Variants in FAM199X observed in about 807,000 individuals in gnomAD.
FAM199X encodes family with sequence similarity 199, X-linked.
Under a neutral mutation model 22.9 loss-of-function variants are expected in FAM199X, and 4 were observed. That is an observed-to-expected ratio of 0.17 (90% confidence interval 0.09 to 0.40). The LOEUF (loss-of-function observed/expected upper bound fraction) is 0.40, where lower values mean the gene tolerates loss of function less well. Among genes scored for constraint, FAM199X ranks in the 10% least tolerant of loss-of-function variants. The pLI, the probability that FAM199X is intolerant of heterozygous loss-of-function variation, is 1.00. For missense variants in FAM199X, 183 were observed against 306.8 expected (o/e 0.60, Z 3.01); for synonymous variants, 101 against 112.3 (o/e 0.90, Z 0.64).
chrX:104,180,316 A>G (rs1424208482), intron 2 of FAM199X, among the ~76,000 whole-genome samples: 87 of 91,018 alleles, frequency 9.6e-4, no homozygotes, highest in Non-Finnish European at 1.8e-3. Context: ...TTTTCTCAGT[A>G]CAGACTTTGT....
At chrX:104,188,351 A>G in intron 5 of FAM199X, 45 bp downstream of exon 5, 2 of 1,162,301 alleles carry the variant, frequency 1.7e-6, no homozygotes, top group South Asian at 3.6e-5. Flanking sequence ...CAATATTAAC[A>G]TTAGTACTCC....
Position 104,180,288 on chromosome X carries a change from CT to C in FAM199X, c.417+4467del, listed in dbSNP as rs573175887. 5.9e-3 allele frequency among the ~76,000 whole-genome samples: 417 copies of C among 71,236 alleles called. 2 individuals carry two copies. The highest frequency in any genetic ancestry group is 0.04 in the Middle Eastern group (4 of 101). 61.9% of individuals were successfully genotyped at this position (71,236 alleles called of 115,157 possible). Reference sequence around the variant, plus strand: ...GAGCCACTGTGCTCAGCCAGTGTCTCTTTTTTTTTTTTTTTTTTTTTCTCAG... The same window carrying C: ...GAGCCACTGTGCTCAGCCAGTGTCTCTTTTTTTTTTTTTTTTTTTTCTCAG... On this transcript the variant is annotated intron_variant, in intron 2 of 5. Transcript: ENST00000493442.
chrX:104,174,686 T>TA (rs1241150191), intron 1 of FAM199X, among the ~76,000 whole-genome samples: 3 of 111,711 alleles, frequency 2.7e-5, no homozygotes, highest in Non-Finnish European at 5.6e-5. Flanking sequence ...TTTCAAGTAA[T>TA]ATACTTAGGA....
At chrX:104,162,385 A>G (rs185394718), upstream of FAM199X, among the ~76,000 whole-genome samples, 5 of 112,253 alleles carry the variant, frequency 4.5e-5, no homozygotes, top group East Asian at 1.4e-3. Flanking sequence ...TTTGTTCACA[A>G]GGGTTTCTAT....
chrX:104,168,761 C>G (rs782806991), intron 1 of FAM199X, among the ~76,000 whole-genome samples: 3 of 110,658 alleles, frequency 2.7e-5, no homozygotes, highest in Non-Finnish European at 3.8e-5. Context: ...TTTTCTTTCC[C>G]TTAAAGACTG....
chrX:104,180,218 C>T (rs1556377511), intron 2 of FAM199X, among the ~76,000 whole-genome samples: 1 of 106,665 alleles, frequency 9.4e-6, no homozygotes, highest in Non-Finnish European at 1.9e-5. Context: ...TGGGCTCAAG[C>T]GATCCTTCCA....
chrX:104,159,874 A>C, the FAM199X span, among the ~76,000 whole-genome samples: 2 of 112,328 alleles, frequency 1.8e-5, no homozygotes, highest in African/African-American at 6.5e-5. Context: ...TGAGAGTACA[A>C]GGGTACCTTG....
chrX:104,185,422 A>G (rs1168292745), intron 2 of FAM199X, among the ~76,000 whole-genome samples: 1 of 111,006 alleles, frequency 9.0e-6, no homozygotes, highest in Non-Finnish European at 1.9e-5. Flanking sequence ...TAAAAACTTT[A>G]ATGATGATTG....
chrX:104,179,158 G>A (rs909465304), intron 2 of FAM199X, among the ~76,000 whole-genome samples: 16 of 111,725 alleles, frequency 1.4e-4, no homozygotes, highest in African/African-American at 5.2e-4. Flanking sequence ...TTAGGATCAG[G>A]TTGCCCGTTT....
At chrX:104,171,382 T>A (rs1921349160) in intron 1 of FAM199X, among the ~76,000 whole-genome samples, 1 of 111,598 alleles carries the variant, frequency 9.0e-6, no homozygotes, top group East Asian at 2.8e-4. Flanking sequence ...GAGAGTAATA[T>A]TATGGTGATA....
At chrX:104,179,232 G>A (rs1331822697) in intron 2 of FAM199X, among the ~76,000 whole-genome samples, 3 of 111,903 alleles carry the variant, frequency 2.7e-5, no homozygotes, top group African/African-American at 9.7e-5. Flanking sequence ...GCTTTGGGGA[G>A]TATTGCCATC....
the FAM199X span, among the ~76,000 whole-genome samples, chrX:104,159,760 A>T: frequency 8.9e-6 from 1 of 111,814 alleles, no homozygotes; most frequent in Middle Eastern, 4.6e-3. Context: ...TTCTCTGCAG[A>T]ATTGCACTCT....
rs202121510 is a variant in FAM199X, at chrX:104,189,680, C to T, written c.1069C>T (p.Arg357Trp). The change falls in exon 6 of 6, where the codon CGG (arginine) becomes TGG (tryptophan). Residue 357 changes from arginine to tryptophan, a missense_variant. Coordinates refer to ENST00000493442, the MANE Select transcript of FAM199X (RefSeq NM_207318.4). ...KRQLKEQRQA[R>W]KERLSGLFLN... Reference sequence around the variant, plus strand: ...GCAGCTGAAGGAGCAGAGGCAGGCCCGGAAGGAGAGGCTCAGTGGGCTCTT... The same window carrying T: ...GCAGCTGAAGGAGCAGAGGCAGGCCTGGAAGGAGAGGCTCAGTGGGCTCTT... 2 of 1,209,879 alleles carry T rather than the reference C, an allele frequency of 1.7e-6. No homozygotes were observed. Among genetic ancestry groups the T allele is most frequent in the Middle Eastern group, 2.3e-4 (1 of 4,332 alleles).
chrX:104,167,124 G>GC (rs782139683), intron 1 of FAM199X, 142 bp downstream of exon 1: 21 of 429,648 alleles, frequency 4.9e-5, no homozygotes, highest in East Asian at 2.9e-4. Context: ...CTCCTTCCCT[G>GC]CCCCCCCTCC....
At chrX:104,184,898 A>G (rs915195373) in intron 2 of FAM199X, among the ~76,000 whole-genome samples, 1 of 107,763 alleles carries the variant, frequency 9.3e-6, no homozygotes, top group Non-Finnish European at 1.9e-5. Context: ...CTTACATCTC[A>G]GACCACAGGC....
chrX:104,168,093 C>T (rs1921259646), intron 1 of FAM199X, among the ~76,000 whole-genome samples: 1 of 111,931 alleles, frequency 8.9e-6, no homozygotes, highest in South Asian at 3.7e-4. Context: ...TGAGCTTCTA[C>T]CAGATACAAG....
At chrX:104,178,693 A>T (rs1921558050) in intron 2 of FAM199X, among the ~76,000 whole-genome samples, 1 of 112,035 alleles carries the variant, frequency 8.9e-6, no homozygotes, top group Admixed American at 9.5e-5. Context: ...TGAATTAATC[A>T]TAGATGTGTG....
At chrX:104,167,119 T>C in intron 1 of FAM199X, 137 bp downstream of exon 1, 1 of 487,820 alleles carries the variant, frequency 2.0e-6, no homozygotes, top group Non-Finnish European at 3.1e-6. Context: ...CCGGCCTCCT[T>C]CCCTGCCCCC....
intron 1 of FAM199X, among the ~76,000 whole-genome samples, chrX:104,174,445 G>A (rs1014193407): frequency 5.4e-5 from 6 of 111,288 alleles, no homozygotes; most frequent in Non-Finnish European, 9.4e-5. Flanking sequence ...TTTCAGAAAG[G>A]TGTTGACTAA....
Sources: gnomAD v4.1 joint callset for allele counts (sites outside exome capture counted in the v4.1 genomes callset) on GRCh38, gnomAD v4.1.1 for gene constraint, MANE v1.5 for transcripts, NCBI Gene and HGNC (gene_info 2026-07-23, HGNC 2026-07-21) for gene names.